The following MTUS1 variants were observed in gnomAD, a reference collection of about 807,000 sequenced individuals.
MTUS1 encodes microtubule-associated tumor suppressor 1.
In MTUS1, 109 loss-of-function variants were observed where a neutral mutation model predicts 120.8. The ratio of observed to expected loss-of-function variants is 0.90; its 90% CI spans 0.77 to 1.06. MTUS1 has a LOEUF of 1.06. Ranked by LOEUF, MTUS1 falls within the 50% of genes least tolerant of loss-of-function variation. MTUS1 has a pLI of 0.00. For missense variants in MTUS1, 2,210 were observed against 1,486.3 expected, an observed-to-expected ratio of 1.49 and a Z score of -8.01; for synonymous variants, 737 against 550.5, an observed-to-expected ratio of 1.34 and a Z score of -4.74.
chr8:17,653,483 T>A lies in MTUS1; in HGVS notation c.3230A>T (p.His1077Leu), dbSNP rs201647662. The part of the protein sequence containing the change: ...EASLSEIKKG[H>L]EIEKKSLEDL... ...TTCAAGCGATTTCTTTTCTATTTCA[T>A]GGCCTTTCTTAATTTCTGGGAAAAT... The change falls in exon 11 of 15, where the codon CAT (histidine) becomes CTT (leucine). Residue 1077 changes from histidine (H) to leucine (L), a missense_variant. Physicochemically the swap from His to Leu is moderately conservative, Grantham distance 99. Transcript: ENST00000693296. 108 of 1,611,240 alleles carry A rather than the reference T, an allele frequency of 6.7e-5. No homozygotes were observed. The East Asian group carries it at 2.4e-3, about 36-fold the overall frequency.
At chr8:17,777,888 A>G (rs2050579989) in intron 1 of MTUS1, among the ~76,000 whole-genome samples, 1 of 141,872 alleles carries the variant, frequency 7.0e-6, no homozygotes, top group African/African-American at 3.2e-5. Flanking sequence ...AAACCACAGT[A>G]CAGTGATTCA....
At position 17,697,241 on chromosome 8, in the gene MTUS1, T is replaced by C. The variant is rs776507754; in HGVS notation, c.2624-12699A>G. On this transcript the variant is annotated intron_variant, in intron 6 of 14. Transcript: ENST00000693296. ...TCCCCCGTGCAACACTAAACAGAGATCTATGCGAGACAGACCTGTGTGGAA... is the reference window on the plus strand; with the variant it reads ...TCCCCCGTGCAACACTAAACAGAGACCTATGCGAGACAGACCTGTGTGGAA... 10 of 1,600,352 alleles carry C rather than the reference T, an allele frequency of 6.2e-6. No individual in the cohort carries two copies. In the South Asian group the frequency reaches 7.9e-5, roughly 13 times the overall value.
intron 1 of MTUS1, among the ~76,000 whole-genome samples, chr8:17,783,230 GC>G (rs1563386172): frequency 6.6e-6 from 1 of 152,208 alleles, no homozygotes; most frequent in East Asian, 1.9e-4. Context: ...CTGACAATAA[GC>G]ACCTGCCCAG....
chr8:17,673,763 G>C (rs995528536), intron 8 of MTUS1, among the ~76,000 whole-genome samples: 2 of 152,136 alleles, frequency 1.3e-5, no homozygotes, highest in Non-Finnish European at 2.9e-5. Flanking sequence ...CCCAGACAAA[G>C]TCTTGACCCC....
Position 17,737,180 on chromosome 8 carries a change from C to A in MTUS1, c.2287+6424G>T, listed in dbSNP as rs138628067. 2.5e-3 allele frequency among the ~76,000 whole-genome samples: 375 copies of A among 152,258 alleles called. 4 individuals are homozygous for A. Among genetic ancestry groups the A allele is most frequent in the Admixed American group, 0.019 (295 of 15,294 alleles). The stretch of plus-strand genomic sequence containing the variant: ...GCACAGACTGTGGGGCCAGAACACC[C>A]GGCCCATTTCCCGTCTCCACCAATT... On this transcript the variant is annotated intron_variant, in intron 3 of 14. Transcript: ENST00000693296.
chr8:17,692,106 T>C (rs547978542), intron 6 of MTUS1: 2 of 152,286 alleles, frequency 1.3e-5, no homozygotes, highest in Non-Finnish European at 2.9e-5. Flanking sequence ...TACACTCCCC[T>C]CATTTATAAT....
At chr8:17,702,966 T>C (rs1289879296) in intron 6 of MTUS1, among the ~76,000 whole-genome samples, 2 of 152,244 alleles carry the variant, frequency 1.3e-5, no homozygotes, top group Non-Finnish European at 2.9e-5. Flanking sequence ...CTTTAATCTC[T>C]TAATCCTGTT....
chr8:17,662,379 A>T (rs1383541906), intron 8 of MTUS1, among the ~76,000 whole-genome samples: 2 of 110,618 alleles, frequency 1.8e-5, no homozygotes, highest in African/African-American at 7.6e-5. Context: ...TTTTTGAGAT[A>T]GAGTCTCGCA....
chr8:17,717,096 C>G (rs1034763888), intron 4 of MTUS1, among the ~76,000 whole-genome samples: 1 of 152,194 alleles, frequency 6.6e-6, no homozygotes, highest in Non-Finnish European at 1.5e-5. Flanking sequence ...CACATTCAAA[C>G]TTTGTACAGG....
At chr8:17,654,745 G>T in intron 9 of MTUS1, 79 bp from the exon 10 acceptor site, 1 of 966,436 alleles carries the variant, frequency 1.0e-6, no homozygotes. Flanking sequence ...ACCACATTAG[G>T]AGACGTCACA....
At chr8:17,760,292 A>G (rs767939106) in intron 1 of MTUS1, among the ~76,000 whole-genome samples, 85 of 152,202 alleles carry the variant, frequency 5.6e-4, no homozygotes, top group Non-Finnish European at 5.9e-4. Flanking sequence ...ACATGTGTTC[A>G]TAAATACTTA....
At chr8:17,714,159 C>T (rs949396045) in intron 5 of MTUS1, among the ~76,000 whole-genome samples, 1 of 152,250 alleles carries the variant, frequency 6.6e-6, no homozygotes, top group African/African-American at 2.4e-5. Context: ...CATTTGGTGC[C>T]TCCGAAATTT....
intron 8 of MTUS1, among the ~76,000 whole-genome samples, chr8:17,656,931 C>T (rs1282755645): frequency 3.3e-5 from 5 of 150,166 alleles, no homozygotes; most frequent in Admixed American, 6.6e-5. Flanking sequence ...TGGTGGTGGG[C>T]GCCTGTAGTC....
chr8:17,648,762 G>A (rs1387690026), intron 13 of MTUS1, among the ~76,000 whole-genome samples: 1 of 152,210 alleles, frequency 6.6e-6, no homozygotes, highest in Non-Finnish European at 1.5e-5. Context: ...ACTGTCCAGG[G>A]CTGGTTTGGG....
intron 13 of MTUS1, 66 bp from the exon 14 acceptor site, chr8:17,647,145 C>T: frequency 8.4e-7 from 1 of 1,188,126 alleles, no homozygotes; most frequent in Admixed American, 2.0e-5. Flanking sequence ...TTTCTTAAGG[C>T]ACCTCACGAC....
rs746991582 is a variant in MTUS1 at position 17,754,847 on chromosome 8, C to T, written c.961G>A (p.Glu321Lys). The change falls in exon 2 of 15, where the codon GAA becomes AAA. Residue 321 changes from glutamate (E) to lysine (K), a missense_variant. Transcript: ENST00000693296. ...FCLSHDESNS[E>K]PHSQSSYRHK... is the part of the protein sequence containing the mutation. ...CTGTATGAGCTCTGTGAATGTGGTT[C>T]GCTATTGGATTCATCATGGGATAAA... 3.7e-6 allele frequency: 6 copies of T among 1,614,196 alleles called. No individual in the cohort carries two copies. The highest frequency in any genetic ancestry group is 1.1e-5 in the South Asian group (1 of 91,082).
At chr8:17,659,194 C>G (rs955110634) in intron 8 of MTUS1, among the ~76,000 whole-genome samples, 2 of 152,194 alleles carry the variant, frequency 1.3e-5, no homozygotes, top group South Asian at 4.2e-4. Flanking sequence ...GCCCGTGCCC[C>G]TTCTTTTCTA....
At chr8:17,780,941 C>G (rs1466026032) in intron 1 of MTUS1, 3 of 152,198 alleles carry the variant, frequency 2.0e-5, no homozygotes, top group African/African-American at 7.2e-5. Flanking sequence ...CATGACAAAT[C>G]AGATGACACA....
chr8:17,671,119 T>A (rs1266018063), intron 8 of MTUS1, among the ~76,000 whole-genome samples: 1 of 152,166 alleles, frequency 6.6e-6, no homozygotes, highest in African/African-American at 2.4e-5. Context: ...TTCCGCTGTA[T>A]GAAAATTACA....
Sources: allele counts gnomAD v4.1 joint callset (sites outside exome capture counted in the v4.1 genomes callset), GRCh38; gene constraint gnomAD v4.1.1; transcripts MANE v1.5; gene names NCBI Gene and HGNC (gene_info 2026-07-23, HGNC 2026-07-21).